The following RBFOX1 variants were observed in gnomAD, a reference collection of about 807,000 sequenced individuals.
RBFOX1 encodes RNA binding fox-1 homolog 1.
A neutral mutation model predicts 57.7 loss-of-function variants in RBFOX1; 8 were observed. The observed-to-expected ratio is 0.14, with a 90% CI of 0.08 to 0.25. The LOEUF (loss-of-function observed/expected upper bound fraction) is 0.25, where lower values mean the gene tolerates loss of function less well. Among genes scored for constraint, RBFOX1 ranks in the 10% least tolerant of loss-of-function variants. The pLI is 1.00. For synonymous variants in RBFOX1, 326 were observed against 222.4 expected, an observed-to-expected ratio of 1.47 and a Z score of -4.15; for missense variants, 611 against 548.5, an observed-to-expected ratio of 1.11 and a Z score of -1.14.
At chr16:5,280,710 T>G (rs981920226) in intron 1 of RBFOX1, among the ~76,000 whole-genome samples, 10 of 152,188 alleles carry the variant, frequency 6.6e-5, no homozygotes, top group African/African-American at 1.9e-4. Flanking sequence ...GTTTTCCAAT[T>G]TGTTAGCATA....
intron 3 of RBFOX1, among the ~76,000 whole-genome samples, chr16:6,764,317 T>C (rs750621565): frequency 2.6e-5 from 4 of 152,310 alleles, no homozygotes; most frequent in Middle Eastern, 6.8e-3. Context: ...TCAGCAATTT[T>C]GAAAATGGCC....
intron 3 of RBFOX1, among the ~76,000 whole-genome samples, chr16:6,797,302 C>G (rs966182596): frequency 6.6e-6 from 1 of 152,084 alleles, no homozygotes; most frequent in African/African-American, 2.4e-5. Context: ...AATCTCTATA[C>G]AAAGTTACCG....
chr16:5,555,855 C>T (rs1309355124), intron 2 of RBFOX1, among the ~76,000 whole-genome samples: 1 of 151,870 alleles, frequency 6.6e-6, no homozygotes, highest in African/African-American at 2.4e-5. Flanking sequence ...AACCCCATAT[C>T]TACTAAAAAT....
intron 4 of RBFOX1, among the ~76,000 whole-genome samples, chr16:7,390,661 T>G (rs2097990668): frequency 6.6e-6 from 1 of 152,180 alleles, no homozygotes; most frequent in South Asian, 2.1e-4. Context: ...ATTTATAAAT[T>G]TGGTGATTTT....
chr16:6,210,421 G>A (rs2097288583), intron 1 of RBFOX1, among the ~76,000 whole-genome samples: 1 of 146,834 alleles, frequency 6.8e-6, no homozygotes, highest in Admixed American at 6.8e-5. Flanking sequence ...AGAAAGGAAA[G>A]GAAGGAAGAA....
chr16:7,649,616 G>A (rs991190420), intron 11 of RBFOX1, among the ~76,000 whole-genome samples: 9 of 152,176 alleles, frequency 5.9e-5, no homozygotes, highest in African/African-American at 2.2e-4. Flanking sequence ...GTTATAGAAG[G>A]TGGACAGTGA....
At chr16:7,019,056 T>A (rs2094069648) in intron 3 of RBFOX1, among the ~76,000 whole-genome samples, 1 of 152,032 alleles carries the variant, frequency 6.6e-6, no homozygotes. Flanking sequence ...GTTTCCTAGT[T>A]TTTAGAAGTG....
chr16:7,179,733 A>T (rs984201996), intron 4 of RBFOX1, among the ~76,000 whole-genome samples: 1 of 150,830 alleles, frequency 6.6e-6, no homozygotes, highest in Admixed American at 6.6e-5. Context: ...ATCTTCCCAG[A>T]TTTTTTTTTC....
chr16:5,284,288 A>G (rs1282636913), intron 1 of RBFOX1, among the ~76,000 whole-genome samples: 4 of 152,122 alleles, frequency 2.6e-5, no homozygotes, highest in African/African-American at 4.8e-5. Context: ...AAACAGACTA[A>G]TACACCCGTG....
At position 7,351,608 on chromosome 16, in the gene RBFOX1, C is replaced by T. The variant is rs142971271; in HGVS notation, c.28-166539C>T. Among the ~76,000 whole-genome samples, 59 of 152,316 alleles carry T rather than the reference C, an allele frequency of 3.9e-4. No homozygotes were observed. In the Middle Eastern group the frequency reaches 0.02, roughly 53 times the overall value. On this transcript the variant is annotated intron_variant, in intron 4 of 15. Coordinates refer to ENST00000550418, the MANE Select transcript of RBFOX1 (RefSeq NM_018723.4). ...TGGATCATGATACTCTGCTCTTGAG[C>T]TCACATCCTTTATTGTCTTGAAATT...
At chr16:5,805,820 T>G (rs2055207299) in intron 3 of RBFOX1, among the ~76,000 whole-genome samples, 1 of 152,210 alleles carries the variant, frequency 6.6e-6, no homozygotes, top group Non-Finnish European at 1.5e-5. Context: ...TCCCACCTTC[T>G]GCTACCCTGT....
chr16:7,158,563 G>A (rs1483318546), intron 4 of RBFOX1, among the ~76,000 whole-genome samples: 1 of 151,912 alleles, frequency 6.6e-6, no homozygotes, highest in Non-Finnish European at 1.5e-5. Context: ...ATGTCTGTGT[G>A]GTGTGTGTTT....
chr16:5,340,053 G>A (rs986785736), intron 1 of RBFOX1, among the ~76,000 whole-genome samples: 12 of 152,190 alleles, frequency 7.9e-5, no homozygotes, highest in African/African-American at 2.9e-4. Flanking sequence ...GTATGGGCCA[G>A]ATTTGAATTT....
chr16:6,557,026 CATATATACACATATATATACATATATAT>C (rs2097109351), intron 2 of RBFOX1, among the ~76,000 whole-genome samples: 4 of 123,740 alleles, frequency 3.2e-5, no homozygotes, highest in Admixed American at 2.3e-4. Flanking sequence ...CATATATATA[CATATATACACATATATATACATATATAT>C]ACATATATAC....
intron 4 of RBFOX1, among the ~76,000 whole-genome samples, chr16:7,054,537 A>T (rs2051389930): frequency 1.8e-5 from 1 of 54,278 alleles, no homozygotes; most frequent in African/African-American, 4.0e-5. Flanking sequence ...CACTGCGCCA[A>T]ACCTGGGTGG....
At chr16:7,433,824 C>A (rs185996122) in intron 4 of RBFOX1, among the ~76,000 whole-genome samples, 371 of 152,278 alleles carry the variant, frequency 2.4e-3, no homozygotes, top group Middle Eastern at 6.8e-3. Context: ...TCTAAAAATA[C>A]TTATTTAACA....
intron 1 of RBFOX1, among the ~76,000 whole-genome samples, chr16:6,271,964 C>A (rs945079369): frequency 3.3e-5 from 5 of 151,836 alleles, no homozygotes; most frequent in Non-Finnish European, 5.9e-5. Context: ...CTAGAATTAC[C>A]CTGACAGTGA....
rs186240544 is a variant in RBFOX1, at chr16:6,908,952, C to G, written c.-15-143105C>G. Among the ~76,000 whole-genome samples, 390 of 152,242 alleles carry G rather than the reference C, an allele frequency of 2.6e-3. 1 individual carries two copies. The highest frequency in any genetic ancestry group is 4.8e-3 in the Non-Finnish European group (326 of 68,006). ...TAATTTGGCATAATCTGTGCTTCCC[C>G]CCAACACGCTCTCTCTGGGGGCTCC... On this transcript the variant is annotated intron_variant, in intron 3 of 15. Transcript: ENST00000550418.
rs2092896828 is a variant in RBFOX1, at chr16:6,833,885, A to G, written c.-16+179235A>G. ...GAGACAGCGTGGGCACAGCTTGAGG[A>G]GGAGAGGAACCTGGCAAGGTTGATC... On this transcript the variant is annotated intron_variant, in intron 3 of 15. Transcript: ENST00000550418. Among the ~76,000 whole-genome samples the G allele has an allele frequency of 2.0e-5, 3 of 151,964 alleles. 1 individual carries two copies. In the South Asian group the frequency reaches 6.2e-4, roughly 32 times the overall value.
Sources: allele counts gnomAD v4.1 joint callset (sites outside exome capture counted in the v4.1 genomes callset), GRCh38; gene constraint gnomAD v4.1.1; transcripts MANE v1.5; gene names NCBI Gene and HGNC (gene_info 2026-07-23, HGNC 2026-07-21).